Variants in PDE4B observed in about 807,000 individuals in gnomAD.
The protein encoded by PDE4B is phosphodiesterase 4B.
In PDE4B, 20 loss-of-function variants were observed where a neutral mutation model predicts 82.2. That is an observed-to-expected ratio of 0.24 (90% CI 0.17 to 0.35). The LOEUF (loss-of-function observed/expected upper bound fraction) is 0.35. PDE4B is among the 10% of genes least tolerant of loss of function. The pLI, the probability that PDE4B is intolerant of heterozygous loss-of-function variation, is 1.00. For missense variants in PDE4B, 655 were observed against 907.2 expected (o/e 0.72, Z 3.57); for synonymous variants, 320 against 318.9 (o/e 1.00, Z -0.04).
intron 1 of PDE4B, among the ~76,000 whole-genome samples, chr1:65,844,625 G>C (rs945886860): frequency 3.3e-5 from 5 of 152,118 alleles, no homozygotes; most frequent in African/African-American, 1.2e-4. Flanking sequence ...TTTTATTATA[G>C]GGAGTTTTGT....
At chr1:65,957,152 T>C (rs1045334600) in intron 3 of PDE4B, among the ~76,000 whole-genome samples, 4 of 152,084 alleles carry the variant, frequency 2.6e-5, no homozygotes, top group Admixed American at 2.6e-4. Context: ...CTGGCTTGTC[T>C]TTTTACCCTC....
intron 3 of PDE4B, among the ~76,000 whole-genome samples, chr1:66,127,518 A>G (rs1159220833): frequency 6.6e-6 from 1 of 152,188 alleles, no homozygotes; most frequent in Non-Finnish European, 1.5e-5. Context: ...AAAGTATAGA[A>G]TTTAAATAAA....
chr1:65,988,396 T>A (rs1569896342), intron 3 of PDE4B, among the ~76,000 whole-genome samples: 1 of 152,326 alleles, frequency 6.6e-6, no homozygotes, highest in African/African-American at 2.4e-5. Context: ...GTATATTTAC[T>A]GTTATATACT....
At chr1:65,940,309 C>T (rs1034911884) in intron 3 of PDE4B, among the ~76,000 whole-genome samples, 1 of 151,546 alleles carries the variant, frequency 6.6e-6, no homozygotes, top group Non-Finnish European at 1.5e-5. Context: ...ATGGAAAGCG[C>T]GTGGGGAGAA....
At chr1:65,817,125 T>G (rs537178623) in intron 1 of PDE4B, among the ~76,000 whole-genome samples, 36 of 152,148 alleles carry the variant, frequency 2.4e-4, no homozygotes, top group Non-Finnish European at 3.8e-4. Context: ...AGTGTGAAAT[T>G]GTTAAGCAGA....
chr1:65,896,090 A>T (rs1329165314), intron 1 of PDE4B, among the ~76,000 whole-genome samples: 1 of 151,912 alleles, frequency 6.6e-6, no homozygotes, highest in Admixed American at 6.6e-5. Flanking sequence ...TCCATTTTTT[A>T]TATATGCATG....
At chr1:65,935,477 T>C (rs1648074449) in intron 3 of PDE4B, among the ~76,000 whole-genome samples, 1 of 152,124 alleles carries the variant, frequency 6.6e-6, no homozygotes, top group South Asian at 2.1e-4. Context: ...GCCTAGGATG[T>C]TACTATACAC....
intron 1 of PDE4B, among the ~76,000 whole-genome samples, chr1:65,823,312 C>T (rs913256405): frequency 1.3e-5 from 2 of 148,586 alleles, no homozygotes; most frequent in Non-Finnish European, 3.0e-5. Flanking sequence ...ATGAGAATTG[C>T]TTGAACCCAG....
At position 65,906,729 on chromosome 1, in the gene PDE4B, A is replaced by G. The variant is rs752421971; in HGVS notation, c.-70-6516A>G. Reference sequence around the variant, plus strand: ...ATTAAGAATTCTTTCTTTTTTTGTCACCATGTGTATTGATTTCAAATGCAT... The same window carrying G: ...ATTAAGAATTCTTTCTTTTTTTGTCGCCATGTGTATTGATTTCAAATGCAT... On this transcript the variant is annotated intron_variant, in intron 1 of 16. Coordinates refer to ENST00000341517, the MANE Select transcript of PDE4B (RefSeq NM_002600.4). 8.5e-4 allele frequency among the ~76,000 whole-genome samples: 130 copies of G among 152,210 alleles called. 1 individual carries two copies. The highest frequency in any genetic ancestry group is 1.5e-3 in the Non-Finnish European group (99 of 67,994).
chr1:65,961,352 G>T (rs533654199), intron 3 of PDE4B, among the ~76,000 whole-genome samples: 1 of 152,070 alleles, frequency 6.6e-6, no homozygotes, highest in African/African-American at 2.4e-5. Flanking sequence ...TGTGTGCCTG[G>T]TATGTTTGCA....
At chr1:65,951,258 G>A (rs1569794317) in intron 3 of PDE4B, among the ~76,000 whole-genome samples, 1 of 152,210 alleles carries the variant, frequency 6.6e-6, no homozygotes, top group South Asian at 2.1e-4. Flanking sequence ...GATCTAGCAT[G>A]AGAAAGGCTT....
intron 7 of PDE4B, among the ~76,000 whole-genome samples, chr1:66,284,835 G>T (rs1656556591): frequency 6.6e-6 from 1 of 152,120 alleles, no homozygotes; most frequent in South Asian, 2.1e-4. Context: ...TACCTTCCAA[G>T]ATTTTATTTT....
chr1:66,311,586 G>C (rs1323228290), intron 7 of PDE4B, among the ~76,000 whole-genome samples: 1 of 152,210 alleles, frequency 6.6e-6, no homozygotes, highest in Non-Finnish European at 1.5e-5. Flanking sequence ...AGAACTTCTG[G>C]CTGGGAGCCT....
Position 65,939,404 on chromosome 1 carries a change from A to G in PDE4B, c.281+20569A>G, listed in dbSNP as rs537669845. On this transcript the variant is annotated intron_variant, in intron 3 of 16. Transcript: ENST00000341517. ...TGAGATTTCTTGCACCATGTAGCCA[A>G]GGTTACCACAGGCCTGATAGAACAG... is the stretch of plus-strand genomic sequence containing the variant. 1.7e-4 allele frequency among the ~76,000 whole-genome samples: 26 copies of G among 152,246 alleles called. No individual in the cohort carries two copies. The South Asian group carries it at 5.2e-3, about 30-fold the overall frequency.
At chr1:65,879,307 A>T (rs552471779) in intron 1 of PDE4B, among the ~76,000 whole-genome samples, 1 of 151,826 alleles carries the variant, frequency 6.6e-6, no homozygotes, top group Non-Finnish European at 1.5e-5. Flanking sequence ...GGTATGTGCT[A>T]TTTTTTTTCT....
At chr1:66,165,515 TAAA>T (rs201763186) in intron 3 of PDE4B, among the ~76,000 whole-genome samples, 1 of 150,318 alleles carries the variant, frequency 6.7e-6, no homozygotes, top group African/African-American at 2.4e-5. Context: ...ATACACAAAC[TAAA>T]AAAAAACTAA....
Position 66,179,110 on chromosome 1 carries a change from C to T in PDE4B, c.282-68350C>T, listed in dbSNP as rs1278187727. 2.0e-5 allele frequency among the ~76,000 whole-genome samples: 3 copies of T among 152,240 alleles called. No homozygotes were observed. In the East Asian group the frequency reaches 5.8e-4, roughly 29 times the overall value. ...CAGGTGATCTGCCTACCTCGGCCTC[C>T]CAAAGTGCTGGATTACAGGCGTGAG... is the stretch of plus-strand genomic sequence containing the variant. On this transcript the variant is annotated intron_variant, in intron 3 of 16. Coordinates refer to ENST00000341517, the MANE Select transcript of PDE4B (RefSeq NM_002600.4).
At chr1:66,244,121 G>A (rs1486968853) in intron 3 of PDE4B, among the ~76,000 whole-genome samples, 1 of 152,196 alleles carries the variant, frequency 6.6e-6, no homozygotes, top group Non-Finnish European at 1.5e-5. Context: ...TAGAGAAAAT[G>A]CTTGAGAAAA....
intron 3 of PDE4B, among the ~76,000 whole-genome samples, chr1:65,925,774 G>T (rs930463907): frequency 6.6e-6 from 1 of 152,186 alleles, no homozygotes; most frequent in Non-Finnish European, 1.5e-5. Context: ...TCACCATAGA[G>T]AATTTGCATT....
Sources: gnomAD v4.1 joint callset for allele counts (sites outside exome capture counted in the v4.1 genomes callset) on GRCh38, gnomAD v4.1.1 for gene constraint, MANE v1.5 for transcripts, NCBI Gene and HGNC (gene_info 2026-07-23, HGNC 2026-07-21) for gene names.